SH3GL3: variants seen among roughly 807,000 people sequenced by gnomAD.
SH3GL3 encodes the protein endophilin-A3.
SH3GL3 carries 33 observed loss-of-function variants against 47.7 expected under a neutral mutation model. That is an observed-to-expected ratio of 0.69 (90% CI 0.52 to 0.92). The LOEUF is 0.92. Ranked by LOEUF, SH3GL3 falls within the 40% of genes least tolerant of loss-of-function variation. The pLI is 0.00. For synonymous variants in SH3GL3, 155 were observed against 148.8 expected (o/e 1.04, Z -0.30); for missense variants, 363 against 417.8 (o/e 0.87, Z 1.14).
At chr15:83,510,765 T>C (rs979552342) in intron 1 of SH3GL3, among the ~76,000 whole-genome samples, 2 of 152,048 alleles carry the variant, frequency 1.3e-5, no homozygotes, top group Non-Finnish European at 2.9e-5. Context: ...TCAGATTTGA[T>C]GTTGAGCTTC....
Position 83,618,094 on chromosome 15 carries a change from C to A in SH3GL3, c.851C>A (p.Pro284His). The change falls in exon 9 of 9, where the codon CCC becomes CAC. Residue 284 changes from proline (P) to histidine (H), a missense_variant. Physicochemically the swap from Pro to His is moderately conservative, Grantham distance 77 (BLOSUM62 -2). Coordinates refer to ENST00000427482, the MANE Select transcript of SH3GL3 (RefSeq NM_003027.5). ...ATCATGTGGACAGGTTCTAACATTC[C>A]CATGGACCAGCCCTGCTGTCGTGGT... ...SVVKTTGSNI[P>H]MDQPCCRGLY... 6.2e-7 allele frequency: 1 copy of A among 1,612,216 alleles called. No homozygotes were observed. The highest frequency in any genetic ancestry group is 8.5e-7 in the Non-Finnish European group (1 of 1,178,274).
In SH3GL3 at chr15:83,570,939, C is replaced by T. The variant is rs2151766560; in HGVS notation, c.332-1626C>T. On this transcript the variant is annotated intron_variant, in intron 4 of 8. Transcript: ENST00000427482. ...ATCCAAGGACACTCCTGCCGTGCAT[C>T]TGGCCTTGGCGACAGCCAGACAATT... 2.0e-5 allele frequency among the ~76,000 whole-genome samples: 3 copies of T among 152,366 alleles called. No individual in the cohort carries two copies. The South Asian group carries it at 6.2e-4, about 32-fold the overall frequency.
chr15:83,457,462 C>G (rs184237483), intron 1 of SH3GL3, among the ~76,000 whole-genome samples: 155 of 152,274 alleles, frequency 1.0e-3, no homozygotes, highest in Non-Finnish European at 1.7e-3. Flanking sequence ...ATGCATTAGC[C>G]AGAAAAATGA....
intron 1 of SH3GL3, among the ~76,000 whole-genome samples, chr15:83,527,389 G>C (rs897905979): frequency 2.0e-5 from 3 of 151,998 alleles, no homozygotes; most frequent in Non-Finnish European, 2.9e-5. Context: ...ATATATCTGG[G>C]TGCTTCGGTT....
intron 1 of SH3GL3, among the ~76,000 whole-genome samples, chr15:83,552,620 T>C (rs1313479610): frequency 6.6e-6 from 1 of 152,302 alleles, no homozygotes; most frequent in East Asian, 1.9e-4. Context: ...ATATGGTCAG[T>C]TTTTGTAATG....
chr15:83,584,909 G>C (rs546746781), intron 6 of SH3GL3, among the ~76,000 whole-genome samples: 1 of 152,274 alleles, frequency 6.6e-6, no homozygotes, highest in South Asian at 2.1e-4. Context: ...TCAGGTTTTG[G>C]CTCTTGCTAA....
At position 83,513,377 on chromosome 15, in the gene SH3GL3, C is replaced by T. The variant is rs1361949078; in HGVS notation, c.46-45876C>T. On this transcript the variant is annotated intron_variant, in intron 1 of 8. Transcript: ENST00000427482. The stretch of plus-strand genomic sequence containing the variant: ...AAGAGGTTTCATGATCTTATTCCAC[C>T]TCCTTTTCAGGCCCCAACTCCACTC... 2.6e-4 allele frequency among the ~76,000 whole-genome samples: 40 copies of T among 152,154 alleles called. 2 individuals are homozygous for T. The highest frequency in any genetic ancestry group is 2.6e-3 in the Admixed American group (40 of 15,276).
At chr15:83,629,546 G>A in the SH3GL3 span, among the ~76,000 whole-genome samples, 4 of 152,190 alleles carry the variant, frequency 2.6e-5, no homozygotes, top group Admixed American at 2.6e-4. Context: ...TAGCCTGGGT[G>A]CAGTGGCTAA....
intron 1 of SH3GL3, among the ~76,000 whole-genome samples, chr15:83,528,080 G>T (rs1322962420): frequency 6.6e-6 from 1 of 152,122 alleles, no homozygotes; most frequent in Non-Finnish European, 1.5e-5. Flanking sequence ...ATTTTTGGCT[G>T]TCAGCTTTTT....
At chr15:83,566,752 G>A (rs1186109702) in intron 3 of SH3GL3, among the ~76,000 whole-genome samples, 2 of 152,066 alleles carry the variant, frequency 1.3e-5, no homozygotes, top group Non-Finnish European at 2.9e-5. Context: ...CTACAGCCTG[G>A]GCAACAGTTG....
the SH3GL3 span, among the ~76,000 whole-genome samples, chr15:83,625,712 T>C: frequency 6.6e-6 from 1 of 152,260 alleles, no homozygotes; most frequent in Non-Finnish European, 1.5e-5. Flanking sequence ...ATCCATTTTT[T>C]TCTCCTCTTT....
At position 83,451,069 on chromosome 15, in the gene SH3GL3, T is replaced by C. The variant is rs1220004295; in HGVS notation, c.45+3491T>C. On this transcript the variant is annotated intron_variant, in intron 1 of 8. Coordinates refer to ENST00000427482, the MANE Select transcript of SH3GL3 (RefSeq NM_003027.5). ...GAATATGCGGTGTTTGGTTTTTTGT[T>C]CTTGCGATAGTTTACTGAGAATGAT... Among the ~76,000 whole-genome samples, 56 of 108,714 alleles carry C rather than the reference T, an allele frequency of 5.2e-4. No individual in the cohort carries two copies. In the East Asian group the frequency reaches 0.016, roughly 30 times the overall value. 71.3% of individuals were successfully genotyped at this position (108,714 alleles called of 152,430 possible). A position where few individuals can be genotyped will look rare whatever the true frequency, so the allele number is the denominator to read the frequency against.
Position 83,519,234 on chromosome 15 carries a change from TG to T in SH3GL3, c.46-40018del, listed in dbSNP as rs2043112173. Among the ~76,000 whole-genome samples the T allele has an allele frequency of 2.6e-5, 4 of 152,172 alleles. No individual in the cohort carries two copies. In the South Asian group the frequency reaches 6.2e-4, roughly 24 times the overall value. ...GATGTTGCTAGTTTGATAAGGATGG[TG>T]TTGAATCTTTAGATTGCTTTGGGCA... On this transcript the variant is annotated intron_variant, in intron 1 of 8. Transcript: ENST00000427482.
chr15:83,513,465 C>T (rs2042855255), intron 1 of SH3GL3, among the ~76,000 whole-genome samples: 1 of 152,194 alleles, frequency 6.6e-6, no homozygotes, highest in African/African-American at 2.4e-5. Context: ...TGCTGGACAT[C>T]TGCATCCTGT....
intron 8 of SH3GL3, among the ~76,000 whole-genome samples, chr15:83,591,861 A>G (rs1272123137): frequency 2.0e-5 from 3 of 151,732 alleles, no homozygotes; most frequent in African/African-American, 4.8e-5. Flanking sequence ...AATTTTTTGT[A>G]TTTTTAATAG....
At chr15:83,482,519 G>T (rs1330022271) in intron 1 of SH3GL3, among the ~76,000 whole-genome samples, 2 of 149,442 alleles carry the variant, frequency 1.3e-5, no homozygotes, top group Admixed American at 6.7e-5. Context: ...TTGATTCAAA[G>T]TGTCGCTCTT....
intron 1 of SH3GL3, among the ~76,000 whole-genome samples, chr15:83,492,346 G>A (rs1280714847): frequency 6.6e-6 from 1 of 151,246 alleles, no homozygotes; most frequent in Non-Finnish European, 1.5e-5. Flanking sequence ...ACAACACTAT[G>A]GGAATGAAGT....
chr15:83,555,378 A>AT lies in SH3GL3; in HGVS notation c.46-3871dup, dbSNP rs1269655404. ...AAGTGAATTCATGTTATGTTATGTG[A>AT]TTTTGTCGGCTCTCTTTCTTGGTGT... is the stretch of plus-strand genomic sequence containing the variant. On this transcript the variant is annotated intron_variant, in intron 1 of 8. Coordinates refer to ENST00000427482, the MANE Select transcript of SH3GL3 (RefSeq NM_003027.5). Among the ~76,000 whole-genome samples the AT allele has an allele frequency of 3.9e-5, 6 of 152,174 alleles. No individual in the cohort carries two copies. In the East Asian group the frequency reaches 9.6e-4, roughly 24 times the overall value.
the SH3GL3 span, among the ~76,000 whole-genome samples, chr15:83,630,177 G>A: frequency 1.3e-5 from 2 of 152,196 alleles, no homozygotes; most frequent in African/African-American, 4.8e-5. Flanking sequence ...CAGCCATGTG[G>A]AACTGTGAAT....
Sources: allele counts gnomAD v4.1 joint callset (sites outside exome capture counted in the v4.1 genomes callset), GRCh38; gene constraint gnomAD v4.1.1; transcripts MANE v1.5; gene names NCBI Gene and HGNC (gene_info 2026-07-23, HGNC 2026-07-21).